Variants in PPP1R14C observed in about 807,000 individuals in gnomAD.
The protein encoded by PPP1R14C is protein phosphatase 1 regulatory inhibitor subunit 14C.
Under a neutral mutation model 20.4 loss-of-function variants are expected in PPP1R14C, and 16 were observed. That is an observed-to-expected ratio of 0.78 (90% CI 0.53 to 1.19). The LOEUF (loss-of-function observed/expected upper bound fraction) is 1.19. PPP1R14C is among the 50% of genes most tolerant of loss of function. PPP1R14C has a pLI of 0.00. For missense variants in PPP1R14C, 211 were observed against 220.1 expected (o/e 0.96, Z 0.26); for synonymous variants, 91 against 91.0 (o/e 1.00, Z 0.00).
At position 150,143,113 on chromosome 6, in the gene PPP1R14C, G is replaced by T. The variant is rs1777133138; in HGVS notation, c.-80G>T. The T allele has an allele frequency of 3.4e-6, 4 of 1,160,418 alleles. No individual in the cohort carries two copies. In the East Asian group the frequency reaches 1.8e-4, roughly 53 times the overall value. 71.9% of individuals were successfully genotyped at this position (1,160,418 alleles called of 1,614,324 possible). On this transcript the variant is annotated 5_prime_UTR_variant, in exon 1 of 4. Coordinates refer to ENST00000361131, the MANE Select transcript of PPP1R14C (RefSeq NM_030949.3). This position sits in a 1 kb window ranked among gnomAD's most constrained non-coding sequence, Gnocchi z 5.6. ...GGGGAGCCCTTCGCATGCGGCTGCCGGGCCGGAGGTGGTAGCGGCGCCGGG... is the reference window on the plus strand; with the variant it reads ...GGGGAGCCCTTCGCATGCGGCTGCCTGGCCGGAGGTGGTAGCGGCGCCGGG...
intron 1 of PPP1R14C, among the ~76,000 whole-genome samples, chr6:150,168,554 AAC>A (rs879891614): frequency 0.033 from 4,948 of 151,912 alleles, 158 homozygotes; most frequent in East Asian, 0.098. Flanking sequence ...AACAAAACAA[AAC>A]AAAACAAAAA....
intron 1 of PPP1R14C, among the ~76,000 whole-genome samples, chr6:150,181,850 G>T (rs1456646345): frequency 2.0e-5 from 3 of 152,124 alleles, no homozygotes; most frequent in African/African-American, 4.8e-5. Context: ...TCTACGACAG[G>T]TTTTCTTTTT....
intron 1 of PPP1R14C, among the ~76,000 whole-genome samples, chr6:150,177,866 C>A (rs936777254): frequency 2.6e-5 from 4 of 152,206 alleles, no homozygotes; most frequent in African/African-American, 7.2e-5. Context: ...ACAGACTCAT[C>A]TCCTGAGGCC....
intron 3 of PPP1R14C, among the ~76,000 whole-genome samples, chr6:150,234,061 G>A (rs1778324474): frequency 6.6e-6 from 1 of 152,218 alleles, no homozygotes; most frequent in South Asian, 2.1e-4. Flanking sequence ...CAGTGGCTCT[G>A]TGGGGGAGTC....
chr6:150,237,925 T>C (rs1386898950), intron 3 of PPP1R14C, among the ~76,000 whole-genome samples: 1 of 152,224 alleles, frequency 6.6e-6, no homozygotes, highest in Non-Finnish European at 1.5e-5. Flanking sequence ...AGGGTTCTTC[T>C]ATATTTGTAA....
intron 1 of PPP1R14C, among the ~76,000 whole-genome samples, chr6:150,204,699 C>G (rs1300078451): frequency 6.6e-6 from 1 of 152,200 alleles, no homozygotes; most frequent in African/African-American, 2.4e-5. Flanking sequence ...TACCCTGCCC[C>G]AGCTCTCACG....
chr6:150,214,473 C>A (rs1206064241), intron 1 of PPP1R14C, among the ~76,000 whole-genome samples: 1 of 150,274 alleles, frequency 6.7e-6, no homozygotes, highest in African/African-American at 2.4e-5. Flanking sequence ...CTCTCCTTTT[C>A]CTTCCTTCCT....
intron 1 of PPP1R14C, among the ~76,000 whole-genome samples, chr6:150,160,236 A>G (rs904913574): frequency 6.7e-6 from 1 of 150,222 alleles, no homozygotes; most frequent in African/African-American, 2.5e-5. Flanking sequence ...TTGGAAGAAA[A>G]TCACTATGTG....
intron 3 of PPP1R14C, among the ~76,000 whole-genome samples, chr6:150,233,731 GATC>G (rs1778319920): frequency 6.6e-6 from 1 of 152,168 alleles, no homozygotes; most frequent in Non-Finnish European, 1.5e-5. Flanking sequence ...GCCTTTGAGT[GATC>G]ATCATATTCT....
chr6:150,212,760 G>A (rs956561863), intron 1 of PPP1R14C, among the ~76,000 whole-genome samples: 1 of 152,154 alleles, frequency 6.6e-6, no homozygotes, highest in Admixed American at 6.5e-5. Context: ...CCGTTTCTAT[G>A]TTTAGATGCG....
intron 3 of PPP1R14C, among the ~76,000 whole-genome samples, chr6:150,232,698 C>A (rs1370792574): frequency 6.6e-6 from 1 of 152,192 alleles, no homozygotes; most frequent in Non-Finnish European, 1.5e-5. Context: ...CTGTAATCCA[C>A]TTCTGTTGTA....
rs565150842 is a variant in PPP1R14C, at chr6:150,237,930, T to C, written c.424-10816T>C. ...TCTGTTTCAAAGGGTTCTTCTATATTTGTAAGCCAAACCTTTTTCTTCTGT... is the reference window on the plus strand; with the variant it reads ...TCTGTTTCAAAGGGTTCTTCTATATCTGTAAGCCAAACCTTTTTCTTCTGT... On this transcript the variant is annotated intron_variant, in intron 3 of 3. Coordinates refer to ENST00000361131, the MANE Select transcript of PPP1R14C (RefSeq NM_030949.3). Among the ~76,000 whole-genome samples the C allele has an allele frequency of 6.6e-5, 10 of 152,336 alleles. No homozygotes were observed. The South Asian group carries it at 8.3e-4, about 13-fold the overall frequency.
intron 1 of PPP1R14C, among the ~76,000 whole-genome samples, chr6:150,214,287 C>A (rs374216204): frequency 1.1e-4 from 17 of 152,334 alleles, no homozygotes; most frequent in African/African-American, 4.1e-4. Flanking sequence ...GGGTGGCTGT[C>A]AGATAGGAAA....
intron 1 of PPP1R14C, among the ~76,000 whole-genome samples, chr6:150,182,597 G>A (rs1046222570): frequency 6.6e-6 from 1 of 152,140 alleles, no homozygotes; most frequent in Admixed American, 6.5e-5. Context: ...CAAACACTCA[G>A]TCCATAGTAG....
intron 1 of PPP1R14C, among the ~76,000 whole-genome samples, chr6:150,198,610 G>C (rs1032777241): frequency 1.3e-5 from 2 of 152,242 alleles, no homozygotes; most frequent in East Asian, 3.8e-4. Context: ...GGTGCCAGCA[G>C]GTGCTGAGAA....
Position 150,143,559 on chromosome 6 carries a change from T to A in PPP1R14C, c.306+61T>A. ...CTCTAGCTCCTCTGTGCCCGCGCAG[T>A]AATTTTCCCGGGCTCCAGCTCCGGG... On this transcript the variant is annotated intron_variant, in intron 1 of 3. Coordinates refer to ENST00000361131, the MANE Select transcript of PPP1R14C (RefSeq NM_030949.3). The surrounding 1 kb of genome is among the most constrained non-coding windows in gnomAD (Gnocchi z 5.6). 8.0e-7 allele frequency: 1 copy of A among 1,247,572 alleles called. No individual in the cohort carries two copies. Among genetic ancestry groups the A allele is most frequent in the Non-Finnish European group, 1.1e-6 (1 of 902,070 alleles). The allele number at this position is 1,247,572 out of a possible 1,614,324, so 77.3% of individuals were successfully genotyped here.
intron 1 of PPP1R14C, among the ~76,000 whole-genome samples, chr6:150,160,287 C>T (rs1406468001): frequency 6.6e-5 from 7 of 106,320 alleles, no homozygotes; most frequent in Admixed American, 5.0e-4. Context: ...TTTTTTGAGA[C>T]GGAGTCTTGC....
At chr6:150,237,514 A>G (rs1488040334) in intron 3 of PPP1R14C, among the ~76,000 whole-genome samples, 1 of 152,112 alleles carries the variant, frequency 6.6e-6, no homozygotes, top group East Asian at 1.9e-4. Context: ...AGAGTAGCAT[A>G]TTCTTGATTT....
chr6:150,167,727 G>A (rs1229858282), intron 1 of PPP1R14C, among the ~76,000 whole-genome samples: 1 of 152,094 alleles, frequency 6.6e-6, no homozygotes, highest in Non-Finnish European at 1.5e-5. Flanking sequence ...TTGCAGCCTG[G>A]AGCGTGTCCC....
Sources: gnomAD v4.1 joint callset for allele counts (sites outside exome capture counted in the v4.1 genomes callset) on GRCh38, gnomAD v4.1.1 for gene constraint, Gnocchi (gnomAD v3.1) non-coding constraint, MANE v1.5 for transcripts, NCBI Gene and HGNC (gene_info 2026-07-23, HGNC 2026-07-21) for gene names.